Variants in MAP2K5 observed in about 807,000 individuals in gnomAD.
The protein encoded by MAP2K5 is mitogen-activated protein kinase kinase 5.
Under a neutral mutation model 83.1 loss-of-function variants are expected in MAP2K5, and 49 were observed. The ratio of observed to expected loss-of-function variants is 0.59; its 90% CI spans 0.47 to 0.75. The LOEUF (loss-of-function observed/expected upper bound fraction) is 0.75, where lower values mean the gene tolerates loss of function less well. Among genes scored for constraint, MAP2K5 ranks in the 30% least tolerant of loss-of-function variants. The pLI is 0.00. For missense variants in MAP2K5, 457 were observed against 557.5 expected (o/e 0.82, Z 1.82); for synonymous variants, 202 against 191.8 (o/e 1.05, Z -0.44).
chr15:67,646,344 T>A, intron 10 of MAP2K5, 44 bp from the exon 11 acceptor site: 1 of 1,409,980 alleles, frequency 7.1e-7, no homozygotes, highest in Non-Finnish European at 1.0e-6. Flanking sequence ...CCTATGGTAT[T>A]GACTTGCAGG....
chr15:67,755,573 A>G lies in MAP2K5; in HGVS notation c.1134+6972A>G, dbSNP rs564988409. 4.9e-4 allele frequency among the ~76,000 whole-genome samples: 74 copies of G among 152,276 alleles called. No individual in the cohort carries two copies. The South Asian group carries it at 0.015, about 32-fold the overall frequency. ...GAAAGCATCAGGGGAGCCATGTCCA[A>G]GTGAAGAGTCCATGTGAGGCCTCTT... On this transcript the variant is annotated intron_variant, in intron 19 of 21. Transcript: ENST00000178640. The surrounding 1 kb of genome is among the most constrained non-coding windows in gnomAD (Gnocchi z 4.7).
At chr15:67,642,591 C>T (rs946157920) in intron 9 of MAP2K5, 9 of 775,028 alleles carry the variant, frequency 1.2e-5, no homozygotes, top group Non-Finnish European at 1.9e-5. Context: ...AGAGGAAGCA[C>T]ACCCCAAGTA....
chr15:67,704,506 A>G (rs1335566118), intron 16 of MAP2K5, among the ~76,000 whole-genome samples: 2 of 152,216 alleles, frequency 1.3e-5, no homozygotes, highest in African/African-American at 4.8e-5. Flanking sequence ...TGAGTTTTGT[A>G]ATGCATGAAT....
At chr15:67,584,863 A>G (rs142332015) in intron 4 of MAP2K5, among the ~76,000 whole-genome samples, 4 of 151,228 alleles carry the variant, frequency 2.6e-5, no homozygotes, top group Admixed American at 6.6e-5. Flanking sequence ...TGCCCAGCTA[A>G]TTTTTTGTAT....
At chr15:67,622,874 G>A (rs2086220362) in intron 8 of MAP2K5, among the ~76,000 whole-genome samples, 1 of 152,166 alleles carries the variant, frequency 6.6e-6, no homozygotes, top group South Asian at 2.1e-4. Flanking sequence ...CGAGGCAGGT[G>A]GATCATGAGG....
At chr15:67,694,268 G>A (rs535414555) in intron 15 of MAP2K5, among the ~76,000 whole-genome samples, 17 of 152,098 alleles carry the variant, frequency 1.1e-4, no homozygotes, top group African/African-American at 3.9e-4. Flanking sequence ...AAATTAAACA[G>A]GAAACTTATC....
intron 7 of MAP2K5, among the ~76,000 whole-genome samples, chr15:67,600,273 C>G (rs2085625665): frequency 6.6e-6 from 1 of 152,104 alleles, no homozygotes; most frequent in African/African-American, 2.4e-5. Context: ...GATTTATTTA[C>G]AGATCATGCA....
intron 12 of MAP2K5, among the ~76,000 whole-genome samples, chr15:67,659,841 G>C (rs535486887): frequency 5.3e-5 from 8 of 152,090 alleles, no homozygotes; most frequent in Non-Finnish European, 1.0e-4. Context: ...TGTTCTTCCT[G>C]AACTTCATAA....
intron 11 of MAP2K5, among the ~76,000 whole-genome samples, chr15:67,654,874 G>A (rs188748005): frequency 3.9e-4 from 59 of 152,064 alleles, no homozygotes; most frequent in Non-Finnish European, 6.3e-4. Context: ...TAGCCTGGCC[G>A]AGTTGGTGAA....
intron 12 of MAP2K5, among the ~76,000 whole-genome samples, chr15:67,660,780 G>A (rs985042578): frequency 1.3e-5 from 2 of 151,614 alleles, no homozygotes; most frequent in African/African-American, 4.8e-5. Flanking sequence ...CTTGCCCAGA[G>A]TTATCATCTA....
chr15:67,579,305 A>G lies in MAP2K5; in HGVS notation c.253-1449A>G, dbSNP rs183286146. ...CATTTTCGGACAATTTTTCCAGACTACTTGTTAACAGTTATTGCTGTCCCA... is the reference window on the plus strand; with the variant it reads ...CATTTTCGGACAATTTTTCCAGACTGCTTGTTAACAGTTATTGCTGTCCCA... On this transcript the variant is annotated intron_variant, in intron 3 of 21. Transcript: ENST00000178640. Among the ~76,000 whole-genome samples the G allele has an allele frequency of 9.7e-4, 147 of 152,276 alleles. 2 individuals carry two copies. Among genetic ancestry groups the G allele is most frequent in the Admixed American group, 8.7e-3 (133 of 15,296 alleles).
intron 3 of MAP2K5, among the ~76,000 whole-genome samples, chr15:67,575,881 T>C (rs2085046105): frequency 6.7e-6 from 1 of 150,336 alleles, no homozygotes. Flanking sequence ...TCTCTGTCTC[T>C]GTTTTCTCTT....
At chr15:67,564,485 G>C (rs2084800516) in intron 3 of MAP2K5, among the ~76,000 whole-genome samples, 1 of 152,190 alleles carries the variant, frequency 6.6e-6, no homozygotes, top group Non-Finnish European at 1.5e-5. Context: ...ACTGTAAACT[G>C]TCTGTATGGG....
chr15:67,582,906 C>T (rs1364602367), intron 4 of MAP2K5, among the ~76,000 whole-genome samples: 1 of 152,042 alleles, frequency 6.6e-6, no homozygotes, highest in East Asian at 1.9e-4. Context: ...TTTTAGTTAT[C>T]TTCATCCAAA....
At chr15:67,564,018 A>G (rs1484196489) in intron 3 of MAP2K5, among the ~76,000 whole-genome samples, 2 of 152,232 alleles carry the variant, frequency 1.3e-5, no homozygotes, top group African/African-American at 4.8e-5. Context: ...GAGGAGACAT[A>G]GGTTACCTGA....
chr15:67,731,505 G>C lies in MAP2K5; in HGVS notation c.1074+3560G>C, dbSNP rs1288673414. Among the ~76,000 whole-genome samples the C allele has an allele frequency of 2.6e-5, 4 of 152,004 alleles. No homozygotes were observed. In the South Asian group the frequency reaches 8.3e-4, roughly 31 times the overall value. On this transcript the variant is annotated intron_variant, in intron 17 of 21. Coordinates refer to ENST00000178640, the MANE Select transcript of MAP2K5 (RefSeq NM_145160.3). ...TAACTTCCTTGGCATGCAGTTTAGG[G>C]TTCTAAAGAAAAAAAACATGAGGAG...
At position 67,563,648 on chromosome 15, in the gene MAP2K5, C is replaced by T. The variant is rs534426393; in HGVS notation, c.252+298C>T. On this transcript the variant is annotated intron_variant, in intron 3 of 21. Coordinates refer to ENST00000178640, the MANE Select transcript of MAP2K5 (RefSeq NM_145160.3). This position sits in a 1 kb window ranked among gnomAD's most constrained non-coding sequence, Gnocchi z 4.5. ...ATTTTTTATGCAGTACTTAAAGTAA[C>T]GGCTCATTAAAAATGAACCCCTGGG... 2.0e-5 allele frequency among the ~76,000 whole-genome samples: 3 copies of T among 152,044 alleles called. No homozygotes were observed. The highest frequency in any genetic ancestry group is 4.8e-5 in the African/African-American group (2 of 41,472).
In MAP2K5 at chr15:67,746,236, C is replaced by A. The variant is rs1250746858; in HGVS notation, c.1075-1995C>A. ...GTTTCTGGGGACAGTGTTTCATAATCCATTTCTGAATTCATTTCAAAACCT... is the reference window on the plus strand; with the variant it reads ...GTTTCTGGGGACAGTGTTTCATAATACATTTCTGAATTCATTTCAAAACCT... On this transcript the variant is annotated intron_variant, in intron 17 of 21. Coordinates refer to ENST00000178640, the MANE Select transcript of MAP2K5 (RefSeq NM_145160.3). This position sits in a 1 kb window ranked among gnomAD's most constrained non-coding sequence, Gnocchi z 4.1. Among the ~76,000 whole-genome samples the A allele has an allele frequency of 7.2e-5, 11 of 152,150 alleles. No individual in the cohort carries two copies. Among genetic ancestry groups the A allele is most frequent in the Non-Finnish European group, 1.5e-4 (10 of 68,022 alleles).
chr15:67,655,113 A>G (rs1046463544), intron 11 of MAP2K5, among the ~76,000 whole-genome samples: 7 of 151,952 alleles, frequency 4.6e-5, no homozygotes, highest in African/African-American at 1.5e-4. Context: ...GTATAGCTCA[A>G]TTTCTTCTCA....
Sources: allele counts gnomAD v4.1 joint callset (sites outside exome capture counted in the v4.1 genomes callset), GRCh38; gene constraint gnomAD v4.1.1; non-coding constraint Gnocchi (gnomAD v3.1); transcripts MANE v1.5; gene names NCBI Gene and HGNC (gene_info 2026-07-23, HGNC 2026-07-21).